ATP10B: variants seen among roughly 807,000 people sequenced by gnomAD.
ATP10B encodes phospholipid-transporting ATPase VB.
A neutral mutation model predicts 141.2 loss-of-function variants in ATP10B; 122 were observed. The observed-to-expected ratio is 0.86, with a 90% CI of 0.75 to 1.00. The LOEUF (loss-of-function observed/expected upper bound fraction) is 1.00. ATP10B is among the 50% of genes least tolerant of loss of function. ATP10B has a pLI of 0.00. For missense variants in ATP10B, 1,876 were observed against 1,825.3 expected, an observed-to-expected ratio of 1.03 and a Z score of -0.51; for synonymous variants, 685 against 692.0, an observed-to-expected ratio of 0.99 and a Z score of 0.16.
At chr5:160,671,920 C>G (rs1012262131) in intron 6 of ATP10B, among the ~76,000 whole-genome samples, 13 of 150,418 alleles carry the variant, frequency 8.6e-5, no homozygotes, top group Non-Finnish European at 1.5e-5. Flanking sequence ...GCAGCCTCAG[C>G]CTTCCCACCT....
intron 1 of ATP10B, among the ~76,000 whole-genome samples, chr5:160,800,563 C>G (rs965727449): frequency 7.9e-5 from 12 of 152,192 alleles, no homozygotes; most frequent in African/African-American, 2.9e-4. Context: ...GTTCTAACTA[C>G]AGTGTTTTGT....
At chr5:160,865,398 T>C in the ATP10B span, among the ~76,000 whole-genome samples, 932 of 152,054 alleles carry the variant, frequency 6.1e-3, 13 homozygotes, top group African/African-American at 0.022. Flanking sequence ...TGGATCCTTA[T>C]CTCTCACCTT....
At chr5:160,592,526 C>T (rs7718481) in intron 22 of ATP10B, among the ~76,000 whole-genome samples, 2,625 of 152,320 alleles carry the variant, frequency 0.017, 53 homozygotes, top group Admixed American at 0.055. Context: ...TCTGAGGTAC[C>T]GGGTTCATCT....
rs143717052 is a variant in ATP10B, at chr5:160,679,806, C to T, written c.470+6273G>A. ...TTACAATAAGGAACCACCCTGGATT[C>T]CCTCAGTTCCCATTCCCTGCTCTGT... On this transcript the variant is annotated intron_variant, in intron 6 of 25. Coordinates refer to ENST00000327245, the MANE Select transcript of ATP10B (RefSeq NM_025153.3). 2.6e-3 allele frequency among the ~76,000 whole-genome samples: 391 copies of T among 152,306 alleles called. 4 individuals carry two copies. The highest frequency in any genetic ancestry group is 9.1e-3 in the African/African-American group (380 of 41,562).
the ATP10B span, among the ~76,000 whole-genome samples, chr5:160,879,136 C>G: frequency 8.6e-5 from 5 of 57,844 alleles, no homozygotes; most frequent in Non-Finnish European, 1.4e-4. Context: ...GGAACCAACC[C>G]AAATGTCCAA....
At chr5:160,634,829 G>T (rs556394938) in intron 11 of ATP10B, among the ~76,000 whole-genome samples, 3 of 152,318 alleles carry the variant, frequency 2.0e-5, no homozygotes, top group African/African-American at 7.2e-5. Context: ...AGTCACCATT[G>T]GTTGTCTGTG....
chr5:160,721,340 CT>C (rs1367730846), intron 2 of ATP10B, among the ~76,000 whole-genome samples: 1 of 152,130 alleles, frequency 6.6e-6, no homozygotes, highest in African/African-American at 2.4e-5. Context: ...ATATCTAGTA[CT>C]GCCACATCAG....
intron 1 of ATP10B, among the ~76,000 whole-genome samples, chr5:160,823,949 G>T (rs1367084332): frequency 6.6e-6 from 1 of 152,112 alleles, no homozygotes; most frequent in African/African-American, 2.4e-5. Context: ...AAGTGTTTAT[G>T]GTATTTGGAA....
intron 14 of ATP10B, 92 bp from the exon 15 acceptor site, chr5:160,621,042 T>C (rs1245138854): frequency 1.6e-5 from 23 of 1,437,098 alleles, no homozygotes; most frequent in Admixed American, 2.2e-5. Context: ...ACTTTTGCAA[T>C]AAGTGAAGCC....
intron 22 of ATP10B, among the ~76,000 whole-genome samples, chr5:160,594,935 A>T (rs1756575159): frequency 1.3e-5 from 2 of 152,198 alleles, no homozygotes; most frequent in African/African-American, 2.4e-5. Context: ...CTCCCGCACA[A>T]TAATAGTGGG....
At chr5:160,672,858 T>G (rs1161074123) in intron 6 of ATP10B, among the ~76,000 whole-genome samples, 1 of 152,178 alleles carries the variant, frequency 6.6e-6, no homozygotes, top group Admixed American at 6.5e-5. Context: ...GGTGTCTTCC[T>G]CCCCTCCTGG....
At chr5:160,803,732 T>G (rs1772564998) in intron 1 of ATP10B, among the ~76,000 whole-genome samples, 1 of 152,208 alleles carries the variant, frequency 6.6e-6, no homozygotes, top group South Asian at 2.1e-4. Flanking sequence ...AGCTTGTACT[T>G]GGTAGAATAA....
At chr5:160,742,112 T>G (rs1382611707) in intron 2 of ATP10B, among the ~76,000 whole-genome samples, 1 of 152,176 alleles carries the variant, frequency 6.6e-6, no homozygotes, top group Non-Finnish European at 1.5e-5. Context: ...CTTAGTCTAT[T>G]GGGTTAAATG....
intron 1 of ATP10B, among the ~76,000 whole-genome samples, chr5:160,839,329 C>T (rs922038076): frequency 2.6e-5 from 4 of 151,934 alleles, no homozygotes; most frequent in Admixed American, 2.6e-4. Flanking sequence ...TGATTAAGTG[C>T]AGAGTGGCAG....
intron 10 of ATP10B, among the ~76,000 whole-genome samples, chr5:160,640,184 G>A (rs1759731170): frequency 6.6e-6 from 1 of 152,224 alleles, no homozygotes; most frequent in Non-Finnish European, 1.5e-5. Context: ...AACAAATACA[G>A]TCTGATTCGT....
intron 24 of ATP10B, among the ~76,000 whole-genome samples, chr5:160,582,647 TCTC>T (rs1171335037): frequency 6.6e-6 from 1 of 152,202 alleles, no homozygotes; most frequent in Non-Finnish European, 1.5e-5. Context: ...TTGGAGAAGT[TCTC>T]CTGGATAACA....
intron 2 of ATP10B, among the ~76,000 whole-genome samples, chr5:160,784,077 C>T (rs1770956249): frequency 6.6e-6 from 1 of 152,058 alleles, no homozygotes; most frequent in Admixed American, 6.6e-5. Flanking sequence ...AGCTTCGAAG[C>T]CCAAGTGGTG....
At chr5:160,645,673 T>C (rs1308157990) in intron 8 of ATP10B, among the ~76,000 whole-genome samples, 1 of 152,214 alleles carries the variant, frequency 6.6e-6, no homozygotes, top group Non-Finnish European at 1.5e-5. Context: ...CCTGATGCCG[T>C]TCCTTTGAGA....
chr5:160,763,170 A>G (rs1303114359), intron 2 of ATP10B, among the ~76,000 whole-genome samples: 1 of 152,156 alleles, frequency 6.6e-6, no homozygotes, highest in Non-Finnish European at 1.5e-5. Context: ...GACAAAGTCA[A>G]CAAAGAAATG....
Sources: allele counts gnomAD v4.1 joint callset (sites outside exome capture counted in the v4.1 genomes callset), GRCh38; gene constraint gnomAD v4.1.1; transcripts MANE v1.5; gene names NCBI Gene and HGNC (gene_info 2026-07-23, HGNC 2026-07-21).